The following CEP70 variants were observed in gnomAD, a reference collection of about 807,000 sequenced individuals.
CEP70 encodes the protein centrosomal protein 70, also known as centrosomal protein of 70 kDa.
In CEP70, 70 loss-of-function variants were observed where a neutral mutation model predicts 90.9. The ratio of observed to expected loss-of-function variants is 0.77; its 90% confidence interval spans 0.64 to 0.94. CEP70 has a LOEUF of 0.94. Ranked by LOEUF, CEP70 falls within the 40% of genes least tolerant of loss-of-function variation. CEP70 has a pLI of 0.00. For missense variants in CEP70, 648 were observed against 669.0 expected (o/e 0.97, Z 0.35); for synonymous variants, 220 against 228.3 (o/e 0.96, Z 0.33).
At chr3:138,558,384 A>G (rs1328771547) in intron 6 of CEP70, among the ~76,000 whole-genome samples, 1 of 152,138 alleles carries the variant, frequency 6.6e-6, no homozygotes, top group East Asian at 1.9e-4. Context: ...AAGAAAAAGG[A>G]AACTCAAAGT....
At chr3:138,550,373 T>G (rs2039528436) in intron 6 of CEP70, among the ~76,000 whole-genome samples, 1 of 152,202 alleles carries the variant, frequency 6.6e-6, no homozygotes, top group Non-Finnish European at 1.5e-5. Flanking sequence ...TTTGTTGTTG[T>G]TGTTTTTGAG....
intron 10 of CEP70, 73 bp from the exon 11 acceptor site, chr3:138,525,637 A>T (rs1361202961): frequency 1.1e-5 from 7 of 649,010 alleles, no homozygotes; most frequent in Non-Finnish European, 1.7e-5. Flanking sequence ...AATATTAACG[A>T]CATACAAAAC....
rs1305040643 is a variant in CEP70, at chr3:138,576,492, CAAT to C, written c.-5-3563_-5-3561del. 6.6e-5 allele frequency among the ~76,000 whole-genome samples: 10 copies of C among 152,258 alleles called. No individual in the cohort carries two copies. In the East Asian group the frequency reaches 1.9e-3, roughly 29 times the overall value. On this transcript the variant is annotated intron_variant, in intron 2 of 17. Transcript: ENST00000264982. ...CTACAAAGAGACTTAGACTCCCACA[CAAT>C]AATAATAGGAGACTTTAACACCCTA... is the stretch of plus-strand genomic sequence containing the variant.
intron 11 of CEP70, among the ~76,000 whole-genome samples, chr3:138,520,032 C>A (rs577956208): frequency 4.9e-4 from 74 of 152,202 alleles, no homozygotes; most frequent in African/African-American, 1.8e-3. Context: ...GGGTTGCAAT[C>A]CTAGTCTCTG....
intron 6 of CEP70, among the ~76,000 whole-genome samples, chr3:138,558,009 T>G (rs2040142144): frequency 6.6e-6 from 1 of 152,080 alleles, no homozygotes; most frequent in African/African-American, 2.4e-5. Context: ...ATCAAAAAAT[T>G]TTTAAATCTG....
intron 6 of CEP70, among the ~76,000 whole-genome samples, chr3:138,547,342 T>C (rs773137060): frequency 2.6e-5 from 4 of 152,222 alleles, no homozygotes; most frequent in Non-Finnish European, 5.9e-5. Flanking sequence ...CCAATTGCCA[T>C]CAATTGGAAC....
chr3:138,517,456 T>A (rs1576596641), intron 11 of CEP70, among the ~76,000 whole-genome samples: 1 of 139,016 alleles, frequency 7.2e-6, no homozygotes, highest in African/African-American at 2.7e-5. Context: ...GATCACGAGG[T>A]CAGGAGATCC....
At chr3:138,501,683 T>A (rs1224934103) in intron 13 of CEP70, among the ~76,000 whole-genome samples, 2 of 152,228 alleles carry the variant, frequency 1.3e-5, no homozygotes, top group Non-Finnish European at 2.9e-5. Flanking sequence ...CACTTAGTTT[T>A]CTTGGCCTAG....
chr3:138,523,531 A>G (rs2036895758), intron 11 of CEP70, among the ~76,000 whole-genome samples: 1 of 152,162 alleles, frequency 6.6e-6, no homozygotes, highest in Non-Finnish European at 1.5e-5. Context: ...GCAAAGTCTC[A>G]GGATACAAAA....
intron 8 of CEP70, among the ~76,000 whole-genome samples, chr3:138,531,031 C>G (rs2037765122): frequency 6.6e-6 from 1 of 152,242 alleles, no homozygotes; most frequent in African/African-American, 2.4e-5. Context: ...CTATCCTCCA[C>G]TTCCCTCAAT....
chr3:138,501,443 T>C (rs1040925993), intron 13 of CEP70, among the ~76,000 whole-genome samples: 4 of 152,188 alleles, frequency 2.6e-5, no homozygotes, highest in Admixed American at 2.6e-4. Flanking sequence ...CCTTCCCCAT[T>C]TTCCCTTCCC....
At chr3:138,526,906 C>A (rs534595820) in intron 10 of CEP70, among the ~76,000 whole-genome samples, 1 of 152,096 alleles carries the variant, frequency 6.6e-6, no homozygotes, top group Non-Finnish European at 1.5e-5. Flanking sequence ...AATCATGAAT[C>A]GTAACATCAC....
chr3:138,572,655 T>C (rs967715971), intron 3 of CEP70, among the ~76,000 whole-genome samples: 1 of 152,238 alleles, frequency 6.6e-6, no homozygotes, highest in South Asian at 2.1e-4. Flanking sequence ...TAAGTATGTA[T>C]GAAATGCTGT....
chr3:138,587,524 T>C (rs142385845), intron 2 of CEP70, among the ~76,000 whole-genome samples: 2,142 of 151,664 alleles, frequency 0.014, 49 homozygotes, highest in African/African-American at 0.048. Flanking sequence ...GGCTCACACC[T>C]GTAATCCCAG....
intron 12 of CEP70, among the ~76,000 whole-genome samples, chr3:138,507,455 C>A (rs1226952055): frequency 1.3e-5 from 2 of 151,552 alleles, no homozygotes; most frequent in Non-Finnish European, 2.9e-5. Flanking sequence ...AAAAATATAG[C>A]CAATAAAAAA....
At chr3:138,512,061 G>A (rs1576570522) in intron 11 of CEP70, among the ~76,000 whole-genome samples, 1 of 152,216 alleles carries the variant, frequency 6.6e-6, no homozygotes, top group Non-Finnish European at 1.5e-5. Flanking sequence ...TCTGGAGATT[G>A]CCTCAGGATA....
intron 2 of CEP70, among the ~76,000 whole-genome samples, chr3:138,590,530 T>C (rs1249915249): frequency 6.6e-6 from 1 of 152,012 alleles, no homozygotes; most frequent in African/African-American, 2.4e-5. Flanking sequence ...TGATTTCATA[T>C]CTGCGATAGG....
At chr3:138,537,097 C>T (rs2038339320) in intron 7 of CEP70, 81 bp downstream of exon 7, 2 of 1,010,088 alleles carry the variant, frequency 2.0e-6, no homozygotes, top group East Asian at 2.9e-5. Context: ...TTATAACCAC[C>T]CCCAAGATAA....
At chr3:138,521,573 G>A (rs187615727) in intron 11 of CEP70, among the ~76,000 whole-genome samples, 210 of 147,310 alleles carry the variant, frequency 1.4e-3, no homozygotes, top group African/African-American at 4.1e-3. Context: ...CTGCCCGGCC[G>A]CCCTGTCTGG....
Sources: allele counts gnomAD v4.1 joint callset (sites outside exome capture counted in the v4.1 genomes callset), GRCh38; gene constraint gnomAD v4.1.1; transcripts MANE v1.5; gene names NCBI Gene and HGNC (gene_info 2026-07-23, HGNC 2026-07-21).